SEMA3C: variants seen among roughly 807,000 people sequenced by gnomAD.
SEMA3C encodes semaphorin 3C.
In SEMA3C, 47 loss-of-function variants were observed where a neutral mutation model predicts 89.4. The observed-to-expected ratio is 0.53, with a 90% confidence interval of 0.42 to 0.67. The LOEUF (loss-of-function observed/expected upper bound fraction) is 0.67, where lower values mean the gene tolerates loss of function less well. Among genes scored for constraint, SEMA3C ranks in the 30% least tolerant of loss-of-function variants. The pLI is 0.00. For missense variants in SEMA3C, 839 were observed against 929.1 expected (o/e 0.90, Z 1.26); for synonymous variants, 310 against 320.2 (o/e 0.97, Z 0.34).
rs572676294 is a variant in SEMA3C at position 80,837,871 on chromosome 7, G to A, written c.104-9126C>T. Among the ~76,000 whole-genome samples the A allele has an allele frequency of 8.5e-5, 13 of 152,218 alleles. No individual in the cohort carries two copies. The South Asian group carries it at 2.7e-3, about 32-fold the overall frequency. On this transcript the variant is annotated intron_variant, in intron 2 of 17. Transcript: ENST00000265361. ...AAGGTCATCTGAAATGGTCTACAATGTCCTGGATTGTGGGGTAGGGGACTA... is the reference window on the plus strand; with the variant it reads ...AAGGTCATCTGAAATGGTCTACAATATCCTGGATTGTGGGGTAGGGGACTA...
rs559463183 is a variant in SEMA3C, at chr7:80,784,601, T to C, written c.1354+4705A>G. On this transcript the variant is annotated intron_variant, in intron 12 of 17. Transcript: ENST00000265361. The stretch of plus-strand genomic sequence containing the variant: ...AATTTACAATTATCAACCAAAACAG[T>C]GACAAGCAAACTTTTTCTGTAAAAG... Among the ~76,000 whole-genome samples, 35 of 152,222 alleles carry C rather than the reference T, an allele frequency of 2.3e-4. 1 individual carries two copies. Among genetic ancestry groups the C allele is most frequent in the Non-Finnish European group, 2.9e-5 (2 of 68,002 alleles).
intron 2 of SEMA3C, among the ~76,000 whole-genome samples, chr7:80,856,716 T>A (rs1482179390): frequency 6.6e-6 from 1 of 152,108 alleles, no homozygotes; most frequent in Admixed American, 6.6e-5. Context: ...CCAACACTTC[T>A]GCTCCTAGAT....
chr7:80,774,153 TCAAA>T (rs1263080205), intron 12 of SEMA3C, among the ~76,000 whole-genome samples: 1 of 152,146 alleles, frequency 6.6e-6, no homozygotes, highest in Non-Finnish European at 1.5e-5. Context: ...GCATATGCAT[TCAAA>T]CAAAGAGTAG....
chr7:80,782,767 T>A (rs1417915064), intron 12 of SEMA3C, among the ~76,000 whole-genome samples: 2 of 152,154 alleles, frequency 1.3e-5, no homozygotes, highest in African/African-American at 4.8e-5. Context: ...CAGCAATAAA[T>A]CAATCAAACC....
chr7:80,772,651 T>C (rs1788459642), intron 12 of SEMA3C, among the ~76,000 whole-genome samples: 2 of 152,084 alleles, frequency 1.3e-5, no homozygotes, highest in South Asian at 2.1e-4. Flanking sequence ...AAAGAGTTTA[T>C]AGGGTCATAT....
intron 4 of SEMA3C, among the ~76,000 whole-genome samples, chr7:80,818,797 TG>T (rs1480863949): frequency 6.6e-6 from 1 of 152,198 alleles, no homozygotes; most frequent in African/African-American, 2.4e-5. Context: ...GCCATATCTT[TG>T]GGGAACTATT....
chr7:80,797,761 A>T (rs1789099427), intron 11 of SEMA3C, among the ~76,000 whole-genome samples: 1 of 152,168 alleles, frequency 6.6e-6, no homozygotes, highest in African/African-American at 2.4e-5. Flanking sequence ...GCACTTTGGG[A>T]GGCCAAGGCG....
chr7:80,815,674 G>GA (rs563596108), intron 5 of SEMA3C, among the ~76,000 whole-genome samples: 5 of 150,362 alleles, frequency 3.3e-5, no homozygotes, highest in Non-Finnish European at 5.9e-5. Context: ...TTCTGAAACA[G>GA]AAAAAATCCT....
chr7:80,830,372 G>A (rs750038799), intron 2 of SEMA3C, among the ~76,000 whole-genome samples: 2 of 152,138 alleles, frequency 1.3e-5, no homozygotes, highest in African/African-American at 4.8e-5. Flanking sequence ...ACAAGAGATA[G>A]TATTCAATAA....
In SEMA3C at chr7:80,793,015, A is replaced by G. The variant is rs1470691398; in HGVS notation, c.1132-3487T>C. 2.6e-5 allele frequency among the ~76,000 whole-genome samples: 4 copies of G among 152,320 alleles called. No individual in the cohort carries two copies. The East Asian group carries it at 7.7e-4, about 29-fold the overall frequency. On this transcript the variant is annotated intron_variant, in intron 11 of 17. Coordinates refer to ENST00000265361, the MANE Select transcript of SEMA3C (RefSeq NM_006379.5). ...TAACATCTATGTGCTAACGTAAAATATTTGTCCACTAACTAGGCTGGTGTT... is the reference window on the plus strand; with the variant it reads ...TAACATCTATGTGCTAACGTAAAATGTTTGTCCACTAACTAGGCTGGTGTT...
intron 7 of SEMA3C, 93 bp downstream of exon 7, chr7:80,805,546 A>G: frequency 9.5e-7 from 1 of 1,056,938 alleles, no homozygotes; most frequent in Non-Finnish European, 1.3e-6. Context: ...CTGCTATTTT[A>G]GTTTTTAACC....
intron 12 of SEMA3C, among the ~76,000 whole-genome samples, chr7:80,770,982 C>T (rs765931363): frequency 2.6e-5 from 4 of 152,218 alleles, no homozygotes; most frequent in Non-Finnish European, 5.9e-5. Context: ...ATCATCTTAG[C>T]ACAAATTCAG....
chr7:80,773,079 T>C (rs1788469896), intron 12 of SEMA3C, among the ~76,000 whole-genome samples: 1 of 152,220 alleles, frequency 6.6e-6, no homozygotes, highest in African/African-American at 2.4e-5. Flanking sequence ...CCTATTTCAT[T>C]TCTTGGTAGT....
intron 15 of SEMA3C, 106 bp from the exon 16 acceptor site, chr7:80,751,442 T>G: frequency 2.1e-6 from 2 of 955,704 alleles, no homozygotes; most frequent in Non-Finnish European, 3.2e-6. Flanking sequence ...ATTGCTAAGC[T>G]TTCATAAAAT....
intron 15 of SEMA3C, 128 bp downstream of exon 15, chr7:80,758,203 T>C (rs1435050864): frequency 2.0e-6 from 2 of 1,009,556 alleles, no homozygotes; most frequent in South Asian, 1.6e-5. Flanking sequence ...ATGTGTGGTG[T>C]TAAACATAGC....
intron 11 of SEMA3C, among the ~76,000 whole-genome samples, chr7:80,790,623 C>T (rs1038823148): frequency 1.3e-5 from 2 of 152,150 alleles, no homozygotes; most frequent in Non-Finnish European, 2.9e-5. Context: ...CTCTCCAGAA[C>T]ACCCCATTTC....
chr7:80,902,659 TG>T, intron 2 of SEMA3C, among the ~76,000 whole-genome samples: 1 of 152,220 alleles, frequency 6.6e-6, no homozygotes. Flanking sequence ...CATGTCGTCA[TG>T]ATATCACAAC....
chr7:80,913,097 A>G (rs955223304), intron 2 of SEMA3C, among the ~76,000 whole-genome samples: 2 of 152,094 alleles, frequency 1.3e-5, no homozygotes, highest in Non-Finnish European at 2.9e-5. Flanking sequence ...AAAATGAATC[A>G]CAAAGTAAAT....
chr7:80,826,865 T>C (rs1789883540), intron 4 of SEMA3C, among the ~76,000 whole-genome samples: 1 of 152,148 alleles, frequency 6.6e-6, no homozygotes, highest in South Asian at 2.1e-4. Context: ...TCTTCCTTGA[T>C]TATTTTGAAT....
Sources: allele counts gnomAD v4.1 joint callset (sites outside exome capture counted in the v4.1 genomes callset), GRCh38; gene constraint gnomAD v4.1.1; transcripts MANE v1.5; gene names NCBI Gene and HGNC (gene_info 2026-07-23, HGNC 2026-07-21).